ZDHHC14: variants seen among roughly 807,000 people sequenced by gnomAD.
ZDHHC14 encodes the protein zDHHC palmitoyltransferase 14, also known as palmitoyltransferase ZDHHC14.
Under a neutral mutation model 47.7 loss-of-function variants are expected in ZDHHC14, and 16 were observed. That is an observed-to-expected ratio of 0.34 (90% CI 0.23 to 0.51). The LOEUF (loss-of-function observed/expected upper bound fraction) is 0.51. Among genes scored for constraint, ZDHHC14 ranks in the 20% least tolerant of loss-of-function variants. ZDHHC14 has a pLI of 0.97. For synonymous variants in ZDHHC14, 293 were observed against 278.9 expected, an observed-to-expected ratio of 1.05 and a Z score of -0.50; for missense variants, 515 against 662.5, an observed-to-expected ratio of 0.78 and a Z score of 2.44.
intron 1 of ZDHHC14, among the ~76,000 whole-genome samples, chr6:157,414,415 A>G (rs893671249): frequency 6.6e-6 from 1 of 152,216 alleles, no homozygotes; most frequent in Admixed American, 6.5e-5. Flanking sequence ...TATGAAAACC[A>G]TGGTGCCACC....
intron 2 of ZDHHC14, 105 bp downstream of exon 2, chr6:157,542,850 A>C (rs1319776892): frequency 5.8e-6 from 8 of 1,388,654 alleles, no homozygotes; most frequent in Non-Finnish European, 6.8e-6. Flanking sequence ...GAGCGCTGGG[A>C]AGGAAGGAGG....
At chr6:157,471,581 A>G (rs909066662) in intron 1 of ZDHHC14, among the ~76,000 whole-genome samples, 30 of 152,226 alleles carry the variant, frequency 2.0e-4, no homozygotes, top group African/African-American at 7.2e-4. Context: ...AGCTAGCTCA[A>G]ATTAAAGAGT....
intron 3 of ZDHHC14, among the ~76,000 whole-genome samples, chr6:157,612,368 A>G (rs897426818): frequency 6.6e-6 from 1 of 152,190 alleles, no homozygotes; most frequent in Non-Finnish European, 1.5e-5. Flanking sequence ...TATGGGAAGG[A>G]GGCCAAAATC....
chr6:157,492,834 A>C (rs1779960664), intron 1 of ZDHHC14, among the ~76,000 whole-genome samples: 1 of 151,944 alleles, frequency 6.6e-6, no homozygotes, highest in Admixed American at 6.6e-5. Flanking sequence ...AGATGGGAGG[A>C]GGGGTGCTTT....
At chr6:157,438,371 A>G (rs1277817573) in intron 1 of ZDHHC14, among the ~76,000 whole-genome samples, 3 of 152,232 alleles carry the variant, frequency 2.0e-5, no homozygotes, top group African/African-American at 2.4e-5. Context: ...TAAGGTAGCC[A>G]TATTAAGATA....
At chr6:157,638,391 T>C (rs1373638772) in intron 5 of ZDHHC14, among the ~76,000 whole-genome samples, 1 of 151,880 alleles carries the variant, frequency 6.6e-6, no homozygotes, top group South Asian at 2.1e-4. Context: ...GCAGAGGCAG[T>C]GGGGAGGGGC....
At chr6:157,529,927 ATCAG>A (rs1337279757) in intron 1 of ZDHHC14, among the ~76,000 whole-genome samples, 1 of 152,236 alleles carries the variant, frequency 6.6e-6, no homozygotes, top group Non-Finnish European at 1.5e-5. Flanking sequence ...TATAAGTCTT[ATCAG>A]TCAAATTAAT....
chr6:157,602,374 C>G (rs1354586357), intron 3 of ZDHHC14, among the ~76,000 whole-genome samples: 2 of 150,688 alleles, frequency 1.3e-5, no homozygotes, highest in African/African-American at 4.9e-5. Context: ...CCTGTAATCC[C>G]AGCTACTAGG....
intron 3 of ZDHHC14, among the ~76,000 whole-genome samples, chr6:157,595,209 T>G (rs1166871322): frequency 9.1e-6 from 1 of 110,098 alleles, no homozygotes. Flanking sequence ...TTTTTTTTTT[T>G]TGTGATGGAG....
intron 2 of ZDHHC14, among the ~76,000 whole-genome samples, chr6:157,556,202 A>C (rs1192563110): frequency 1.4e-5 from 2 of 146,206 alleles, no homozygotes; most frequent in African/African-American, 2.5e-5. Context: ...ATAGCTGCAC[A>C]AGGCAGGCGT....
rs147130344 is a variant in ZDHHC14, at chr6:157,634,075, T to C, written c.752+1193T>C. Among the ~76,000 whole-genome samples, 496 of 152,354 alleles carry C rather than the reference T, an allele frequency of 3.3e-3. 3 individuals carry two copies. Among genetic ancestry groups the C allele is most frequent in the African/African-American group, 0.011 (453 of 41,588 alleles). On this transcript the variant is annotated intron_variant, in intron 5 of 8. Coordinates refer to ENST00000359775, the MANE Select transcript of ZDHHC14 (RefSeq NM_024630.3). ...TGTTTGAGCAGGGGAGGGATTTCGA[T>C]ACATCTAAAAACAAATGTGATCCTA...
chr6:157,647,116 C>A (rs1777592088), intron 6 of ZDHHC14, 143 bp from the exon 7 acceptor site: 13 of 606,912 alleles, frequency 2.1e-5, no homozygotes, highest in Middle Eastern at 2.6e-4. Context: ...GGAGTAAATG[C>A]CCGTTTTCTT....
chr6:157,554,143 G>A (rs113817834), intron 2 of ZDHHC14, among the ~76,000 whole-genome samples: 6,757 of 152,304 alleles, frequency 0.044, 518 homozygotes, highest in African/African-American at 0.16. Flanking sequence ...AATTTGGAGC[G>A]TCCACTTTTT....
At chr6:157,482,260 C>CTTTT (rs1231434907) in intron 1 of ZDHHC14, among the ~76,000 whole-genome samples, 14 of 127,518 alleles carry the variant, frequency 1.1e-4, no homozygotes, top group South Asian at 2.5e-4. Context: ...CTTTTCTTTT[C>CTTTT]TTTTTTTTTT....
intron 1 of ZDHHC14, among the ~76,000 whole-genome samples, chr6:157,407,101 T>G (rs1244784574): frequency 6.6e-6 from 1 of 152,216 alleles, no homozygotes; most frequent in African/African-American, 2.4e-5. Context: ...CACTAGTCCT[T>G]ACAACAAATG....
chr6:157,539,412 T>TA (rs1562469140), intron 1 of ZDHHC14, among the ~76,000 whole-genome samples: 27 of 151,706 alleles, frequency 1.8e-4, no homozygotes, highest in East Asian at 1.4e-3. Context: ...TCCAGAAAGA[T>TA]AATAAATAAA....
chr6:157,382,286 C>T lies in ZDHHC14; in HGVS notation c.245+20C>T. ...CTTCGAGTAAGTGGTGGCGACCGCT[C>T]CCCCGACGCCGCACTCCCCTGGTCT... On this transcript the variant is annotated intron_variant, in intron 1 of 8. Coordinates refer to ENST00000359775, the MANE Select transcript of ZDHHC14 (RefSeq NM_024630.3). The T allele has an allele frequency of 6.2e-7, 1 of 1,609,552 alleles. No homozygotes were observed. Among genetic ancestry groups the T allele is most frequent in the Non-Finnish European group, 8.5e-7 (1 of 1,178,288 alleles).
intron 1 of ZDHHC14, among the ~76,000 whole-genome samples, chr6:157,413,192 G>C (rs1269583233): frequency 6.6e-6 from 1 of 152,204 alleles, no homozygotes; most frequent in East Asian, 1.9e-4. Context: ...GCGGTGATGT[G>C]AGGCCCTGCA....
chr6:157,469,114 G>A (rs1456304298), intron 1 of ZDHHC14, among the ~76,000 whole-genome samples: 1 of 152,192 alleles, frequency 6.6e-6, no homozygotes, highest in Non-Finnish European at 1.5e-5. Flanking sequence ...TACTGCAGCT[G>A]GGACAGCAGG....
Sources: allele counts gnomAD v4.1 joint callset (sites outside exome capture counted in the v4.1 genomes callset), GRCh38; gene constraint gnomAD v4.1.1; transcripts MANE v1.5; gene names NCBI Gene and HGNC (gene_info 2026-07-23, HGNC 2026-07-21).